The following WBP1L variants were observed in gnomAD, a reference collection of about 807,000 sequenced individuals.
WBP1L encodes WW domain binding protein 1-like.
WBP1L carries 17 observed loss-of-function variants against 33.7 expected under a neutral mutation model. That is an observed-to-expected ratio of 0.50 (90% CI 0.34 to 0.76). The LOEUF (loss-of-function observed/expected upper bound fraction) is 0.76. Among genes scored for constraint, WBP1L ranks in the 30% least tolerant of loss-of-function variants. The probability of loss-of-function intolerance (pLI) is 0.01; values close to 1 mark genes in which losing one functional copy is unlikely to be tolerated. For missense variants in WBP1L, 389 were observed against 469.4 expected, an observed-to-expected ratio of 0.83 and a Z score of 1.58; for synonymous variants, 173 against 190.8, an observed-to-expected ratio of 0.91 and a Z score of 0.77.
At chr10:102,749,039 AAG>A (rs1842897601) in intron 1 of WBP1L, among the ~76,000 whole-genome samples, 1 of 152,084 alleles carries the variant, frequency 6.6e-6, no homozygotes, top group African/African-American at 2.4e-5. Context: ...GGAGGCTCGA[AAG>A]AGAGGCTGTT....
At chr10:102,751,310 C>G (rs973686701) in intron 1 of WBP1L, among the ~76,000 whole-genome samples, 5 of 127,106 alleles carry the variant, frequency 3.9e-5, no homozygotes, top group Non-Finnish European at 8.1e-5. Flanking sequence ...TCAAGGTTTT[C>G]TTTTTTCTTT....
intron 3 of WBP1L, among the ~76,000 whole-genome samples, chr10:102,811,380 C>T (rs1590195888): frequency 6.6e-6 from 1 of 152,194 alleles, no homozygotes; most frequent in East Asian, 1.9e-4. Flanking sequence ...AAGAGCACTT[C>T]CCGGACTTCC....
intron 2 of WBP1L, among the ~76,000 whole-genome samples, chr10:102,804,741 G>A (rs1422906092): frequency 1.3e-5 from 2 of 152,140 alleles, no homozygotes; most frequent in Admixed American, 6.5e-5. Context: ...AAAACAGAAG[G>A]AAGACTAATG....
chr10:102,790,382 G>A (rs1190983968), intron 1 of WBP1L, among the ~76,000 whole-genome samples: 2 of 152,062 alleles, frequency 1.3e-5, no homozygotes, highest in Admixed American at 6.5e-5. Flanking sequence ...AGATATGCTT[G>A]TATCTTATAG....
chr10:102,793,850 C>T (rs1403787077), intron 1 of WBP1L, among the ~76,000 whole-genome samples: 1 of 152,066 alleles, frequency 6.6e-6, no homozygotes, highest in Non-Finnish European at 1.5e-5. Flanking sequence ...CTTGCTGCAG[C>T]CTCAACCTTC....
intron 1 of WBP1L, among the ~76,000 whole-genome samples, chr10:102,758,635 TAAA>T (rs1843004562): frequency 6.6e-6 from 1 of 152,182 alleles, no homozygotes; most frequent in African/African-American, 2.4e-5. Context: ...GAGATTGTAA[TAAA>T]TAAAGACACA....
At position 102,771,488 on chromosome 10, in the gene WBP1L, G is replaced by A. The variant is rs78661260; in HGVS notation, c.91-26505G>A. 5.3e-4 allele frequency among the ~76,000 whole-genome samples: 80 copies of A among 152,004 alleles called. 1 individual carries two copies. In the East Asian group the frequency reaches 0.015, roughly 28 times the overall value. ...TTCGAGACCAGCCTGGGCAACATAG[G>A]AAGCCCTCATCTATAATGACAGAAA... is the stretch of plus-strand genomic sequence containing the variant. On this transcript the variant is annotated intron_variant, in intron 1 of 3. Coordinates refer to ENST00000448841, the MANE Select transcript of WBP1L (RefSeq NM_001083913.2).
intron 2 of WBP1L, among the ~76,000 whole-genome samples, chr10:102,807,315 T>C (rs1340018540): frequency 1.5e-5 from 2 of 132,632 alleles, no homozygotes; most frequent in East Asian, 4.3e-4. Flanking sequence ...GAGCAGGTAC[T>C]GTCTGTCATC....
intron 1 of WBP1L, among the ~76,000 whole-genome samples, chr10:102,775,449 C>T (rs927971262): frequency 6.6e-6 from 1 of 152,138 alleles, no homozygotes; most frequent in Non-Finnish European, 1.5e-5. Flanking sequence ...AAACCTAAGG[C>T]GGTGAACTTT....
intron 2 of WBP1L, among the ~76,000 whole-genome samples, chr10:102,805,514 C>T (rs1410674339): frequency 6.6e-6 from 1 of 151,830 alleles, no homozygotes; most frequent in African/African-American, 2.4e-5. Context: ...CCTCTCATCT[C>T]AGCCTCCCAA....
chr10:102,793,446 A>G (rs1843530990), intron 1 of WBP1L, among the ~76,000 whole-genome samples: 1 of 152,240 alleles, frequency 6.6e-6, no homozygotes, highest in Non-Finnish European at 1.5e-5. Context: ...CCTTGTCTCC[A>G]ATAAATACGT....
chr10:102,759,204 G>A (rs1284540384), intron 1 of WBP1L, among the ~76,000 whole-genome samples: 1 of 152,158 alleles, frequency 6.6e-6, no homozygotes, highest in East Asian at 1.9e-4. Flanking sequence ...AGACACTGGC[G>A]TTACCGCTTG....
chr10:102,764,554 T>C (rs1843085041), intron 1 of WBP1L, among the ~76,000 whole-genome samples: 1 of 152,122 alleles, frequency 6.6e-6, no homozygotes, highest in Non-Finnish European at 1.5e-5. Context: ...TGACAAAGGG[T>C]TCAGCGTCCC....
intron 1 of WBP1L, among the ~76,000 whole-genome samples, chr10:102,782,120 G>A (rs1326400578): frequency 2.6e-5 from 4 of 151,660 alleles, no homozygotes; most frequent in African/African-American, 7.3e-5. Context: ...CACCTGCCAC[G>A]GCCTGTCAAA....
intron 1 of WBP1L, among the ~76,000 whole-genome samples, chr10:102,780,050 A>C (rs1457889270): frequency 6.6e-6 from 1 of 152,174 alleles, no homozygotes; most frequent in Non-Finnish European, 1.5e-5. Flanking sequence ...TTCACCAGGT[A>C]TGGGTGTCTT....
intron 1 of WBP1L, among the ~76,000 whole-genome samples, chr10:102,764,771 CATA>C (rs1843087581): frequency 6.6e-6 from 1 of 152,126 alleles, no homozygotes; most frequent in Admixed American, 6.5e-5. Context: ...GGAGAGAGGA[CATA>C]ATATTTGATT....
At chr10:102,784,421 C>CTTTTTTTTTTTTTTTTT (rs35898015) in intron 1 of WBP1L, among the ~76,000 whole-genome samples, 1 of 97,846 alleles carries the variant, frequency 1.0e-5, no homozygotes, top group Non-Finnish European at 2.1e-5. Context: ...GTTCTTGTTT[C>CTTTTTTTTTTTTTTTTT]TTTTTTTTTT....
At chr10:102,799,765 AC>A (rs2134060119) in intron 2 of WBP1L, among the ~76,000 whole-genome samples, 1 of 151,712 alleles carries the variant, frequency 6.6e-6, no homozygotes, top group African/African-American at 2.4e-5. Context: ...CCCCCCATCA[AC>A]CCCTGTGTCA....
At chr10:102,801,174 C>T (rs1440270993) in intron 2 of WBP1L, among the ~76,000 whole-genome samples, 1 of 152,142 alleles carries the variant, frequency 6.6e-6, no homozygotes, top group African/African-American at 2.4e-5. Context: ...ATTGGGCCTG[C>T]ATGTGTTGAG....
Sources: allele counts gnomAD v4.1 joint callset (sites outside exome capture counted in the v4.1 genomes callset), GRCh38; gene constraint gnomAD v4.1.1; transcripts MANE v1.5; gene names NCBI Gene and HGNC (gene_info 2026-07-23, HGNC 2026-07-21).